The following MICU2 variants were observed in gnomAD, a reference collection of about 807,000 sequenced individuals.
MICU2 encodes calcium uptake protein 2, mitochondrial.
Under a neutral mutation model 60.4 loss-of-function variants are expected in MICU2, and 64 were observed. The observed-to-expected ratio is 1.06, with a 90% CI of 0.87 to 1.31. The LOEUF (loss-of-function observed/expected upper bound fraction) is 1.31, where lower values mean the gene tolerates loss of function less well. Among genes scored for constraint, MICU2 ranks in the 50% most tolerant of loss-of-function variants. The pLI is 0.00. For missense variants in MICU2, 569 were observed against 531.0 expected (o/e 1.07, Z -0.70); for synonymous variants, 201 against 175.0 (o/e 1.15, Z -1.17).
At chr13:21,566,318 C>A (rs1887981146) in intron 2 of MICU2, among the ~76,000 whole-genome samples, 1 of 152,152 alleles carries the variant, frequency 6.6e-6, no homozygotes, top group African/African-American at 2.4e-5. Flanking sequence ...AAAATGAGGA[C>A]TAATTTAGAT....
intron 1 of MICU2, among the ~76,000 whole-genome samples, chr13:21,574,496 T>C (rs1888180482): frequency 6.6e-6 from 1 of 152,218 alleles, no homozygotes; most frequent in South Asian, 2.1e-4. Flanking sequence ...TGTTAAAACA[T>C]TTCACTAGTT....
chr13:21,565,589 T>A (rs560364071), intron 2 of MICU2, among the ~76,000 whole-genome samples: 2 of 151,718 alleles, frequency 1.3e-5, no homozygotes, highest in African/African-American at 4.8e-5. Context: ...ACCCCAGAGG[T>A]AGAGGTTGCA....
intron 1 of MICU2, among the ~76,000 whole-genome samples, chr13:21,603,032 G>C (rs987398612): frequency 3.1e-4 from 46 of 149,196 alleles, no homozygotes; most frequent in Non-Finnish European, 6.2e-4. Flanking sequence ...GCAATGGCTC[G>C]ATCTTGGCTC....
chr13:21,551,992 C>A (rs1443868549), intron 2 of MICU2, among the ~76,000 whole-genome samples: 7 of 152,040 alleles, frequency 4.6e-5, no homozygotes, highest in African/African-American at 1.7e-4. Context: ...AGTTCTAGAT[C>A]CCTGAGGAAT....
chr13:21,532,010 T>C (rs1010654698), intron 4 of MICU2, among the ~76,000 whole-genome samples: 1 of 152,166 alleles, frequency 6.6e-6, no homozygotes, highest in African/African-American at 2.4e-5. Flanking sequence ...TCTAACAGGA[T>C]TCTCTGATGC....
At chr13:21,493,385 T>C (rs769253991) in intron 11 of MICU2, 32 bp from the exon 12 acceptor site, 15 of 1,475,024 alleles carry the variant, frequency 1.0e-5, no homozygotes, top group East Asian at 2.3e-5. Flanking sequence ...CAAGGGGTCA[T>C]TGTCTTCAAG....
chr13:21,562,646 GTATCT>G (rs1232848322), intron 2 of MICU2, among the ~76,000 whole-genome samples: 2 of 152,144 alleles, frequency 1.3e-5, no homozygotes, highest in Non-Finnish European at 2.9e-5. Flanking sequence ...GGTGGTACAA[GTATCT>G]TATAACAAAA....
At chr13:21,586,740 T>C (rs1434285039) in intron 1 of MICU2, among the ~76,000 whole-genome samples, 1 of 152,194 alleles carries the variant, frequency 6.6e-6, no homozygotes, top group Admixed American at 6.5e-5. Flanking sequence ...GTCTTCCTTA[T>C]AGCTTAAGCT....
chr13:21,599,538 A>C (rs1456851112), intron 1 of MICU2, among the ~76,000 whole-genome samples: 1 of 152,254 alleles, frequency 6.6e-6, no homozygotes, highest in Non-Finnish European at 1.5e-5. Context: ...ATCTAAAACA[A>C]GTTCCACTAA....
At chr13:21,603,617 G>A (rs1293556462) in intron 1 of MICU2, 4 of 392,798 alleles carry the variant, frequency 1.0e-5, no homozygotes, top group Non-Finnish European at 1.8e-5. Flanking sequence ...TTCTGAATTA[G>A]GAGCCTCGAA....
intron 8 of MICU2, among the ~76,000 whole-genome samples, chr13:21,504,427 A>C (rs1002144012): frequency 6.6e-6 from 1 of 152,150 alleles, no homozygotes; most frequent in Non-Finnish European, 1.5e-5. Flanking sequence ...GAAATATTAT[A>C]AACTTAATTG....
intron 1 of MICU2, among the ~76,000 whole-genome samples, chr13:21,596,718 C>T (rs1274173373): frequency 6.6e-6 from 1 of 152,160 alleles, no homozygotes; most frequent in Non-Finnish European, 1.5e-5. Flanking sequence ...GCCACTATGC[C>T]CGGCCTCACA....
intron 8 of MICU2, among the ~76,000 whole-genome samples, chr13:21,509,392 G>A (rs1183382399): frequency 6.6e-6 from 1 of 152,194 alleles, no homozygotes; most frequent in Non-Finnish European, 1.5e-5. Context: ...GTTTATGGCT[G>A]CTTTCACACT....
intron 1 of MICU2, 53 bp downstream of exon 1, chr13:21,603,886 G>C: frequency 6.3e-7 from 1 of 1,588,776 alleles, no homozygotes; most frequent in Non-Finnish European, 8.6e-7. Context: ...GCCTAAGGGC[G>C]TCAGGGGAGG....
intron 1 of MICU2, among the ~76,000 whole-genome samples, chr13:21,595,169 A>G (rs1888666519): frequency 6.6e-6 from 1 of 152,200 alleles, no homozygotes; most frequent in African/African-American, 2.4e-5. Context: ...GAAACTCTCT[A>G]GAACTGTATA....
At chr13:21,544,064 G>A (rs978990204) in intron 2 of MICU2, among the ~76,000 whole-genome samples, 1 of 152,080 alleles carries the variant, frequency 6.6e-6, no homozygotes, top group Non-Finnish European at 1.5e-5. Context: ...GTTGAGGAGA[G>A]AACACTCTCT....
chr13:21,510,055 C>T lies in MICU2; in HGVS notation c.710G>A (p.Arg237His), dbSNP rs561267095. 79 of 1,541,126 alleles carry T rather than the reference C, an allele frequency of 5.1e-5. No homozygotes were observed. The highest frequency in any genetic ancestry group is 4.9e-4 in the South Asian group (37 of 75,548). ...EPEINTTLQM[R>H]FFGKRGQRKL... ...TCTTTGTCCTCTTTTTCCAAAGAAA[C>T]GCATCTGAAGAGTTGTGTTAATTTC... The change falls in exon 8 of 12, where the codon CGT (arginine) becomes CAT (histidine). Residue 237 changes from arginine to histidine, a missense_variant. By Grantham distance (29) the Arg-to-His change is conservative (BLOSUM62 0). Coordinates refer to ENST00000382374, the MANE Select transcript of MICU2 (RefSeq NM_152726.3).
At chr13:21,561,112 T>C (rs1015273643) in intron 2 of MICU2, among the ~76,000 whole-genome samples, 1 of 152,244 alleles carries the variant, frequency 6.6e-6, no homozygotes, top group Non-Finnish European at 1.5e-5. Flanking sequence ...TTCAGCTATC[T>C]TTTTGTTACT....
At chr13:21,499,108 G>A (rs1566137943) in intron 9 of MICU2, among the ~76,000 whole-genome samples, 3 of 151,884 alleles carry the variant, frequency 2.0e-5, no homozygotes, top group South Asian at 2.1e-4. Flanking sequence ...GCGCCACCAC[G>A]CCCCGCTAAT....
Sources: allele counts gnomAD v4.1 joint callset (sites outside exome capture counted in the v4.1 genomes callset), GRCh38; gene constraint gnomAD v4.1.1; transcripts MANE v1.5; gene names NCBI Gene and HGNC (gene_info 2026-07-23, HGNC 2026-07-21).